PIBF1: variants seen among roughly 807,000 people sequenced by gnomAD.
PIBF1 encodes the protein progesterone immunomodulatory binding factor 1.
A neutral mutation model predicts 112.5 loss-of-function variants in PIBF1; 90 were observed. The ratio of observed to expected loss-of-function variants is 0.80; its 90% CI spans 0.67 to 0.95. PIBF1 has a LOEUF of 0.95. Ranked by LOEUF, PIBF1 falls within the 40% of genes least tolerant of loss-of-function variation. PIBF1 has a pLI of 0.00. For synonymous variants in PIBF1, 301 were observed against 288.6 expected (o/e 1.04, Z -0.44); for missense variants, 915 against 852.3 (o/e 1.07, Z -0.92).
intron 14 of PIBF1, among the ~76,000 whole-genome samples, chr13:72,945,017 C>T (rs1171620009): frequency 1.3e-5 from 2 of 152,030 alleles, no homozygotes; most frequent in Non-Finnish European, 2.9e-5. Context: ...AGCATCATAC[C>T]CAATAGTTTT....
At chr13:72,940,681 A>T (rs916621088) in intron 14 of PIBF1, among the ~76,000 whole-genome samples, 1 of 152,178 alleles carries the variant, frequency 6.6e-6, no homozygotes, top group Non-Finnish European at 1.5e-5. Context: ...ATTCTTCCAA[A>T]TCTTGCTTTT....
chr13:73,010,248 T>TC (rs35596184), intron 17 of PIBF1, among the ~76,000 whole-genome samples: 6 of 135,260 alleles, frequency 4.4e-5, no homozygotes, highest in African/African-American at 1.1e-4. Context: ...TTTTTTTTTT[T>TC]CTAAATTCTG....
intron 14 of PIBF1, among the ~76,000 whole-genome samples, chr13:72,958,866 A>G (rs950856144): frequency 2.6e-5 from 4 of 152,162 alleles, no homozygotes; most frequent in Non-Finnish European, 4.4e-5. Context: ...CAAGTCCAAG[A>G]TCACTAGGAC....
At chr13:72,857,505 C>T (rs990428249) in intron 10 of PIBF1, among the ~76,000 whole-genome samples, 2 of 152,204 alleles carry the variant, frequency 1.3e-5, no homozygotes, top group Non-Finnish European at 2.9e-5. Context: ...ATTTTCCCTT[C>T]TCCAAATCAA....
chr13:72,862,463 T>A (rs901774776), intron 10 of PIBF1, among the ~76,000 whole-genome samples: 11 of 152,112 alleles, frequency 7.2e-5, no homozygotes, highest in African/African-American at 2.4e-4. Flanking sequence ...ATTAATTTGG[T>A]TGAGCTCAAG....
At chr13:72,836,593 T>C (rs2037372159) in intron 9 of PIBF1, among the ~76,000 whole-genome samples, 1 of 152,186 alleles carries the variant, frequency 6.6e-6, no homozygotes, top group Admixed American at 6.5e-5. Context: ...ATTTTTAAAT[T>C]ACTGTTAAAT....
intron 17 of PIBF1, among the ~76,000 whole-genome samples, chr13:72,999,921 T>G (rs2043801480): frequency 6.6e-6 from 1 of 152,070 alleles, no homozygotes; most frequent in Non-Finnish European, 1.5e-5. Context: ...ATACAAAAAT[T>G]ACCCGGGTGT....
Position 73,015,868 on chromosome 13 carries a change from G to T in PIBF1, c.2224-1G>T. On this transcript the variant is annotated splice_acceptor_variant, in intron 17 of 17. Coordinates refer to ENST00000326291, the MANE Select transcript of PIBF1 (RefSeq NM_006346.4). LOFTEE classifies it high-confidence loss of function. Reference sequence around the variant, plus strand: ...GATTTTCTTTTTCTTTTTTTAAACAGACTAAAAAAGAAGCACCTGAGTGGT... The same window carrying T: ...GATTTTCTTTTTCTTTTTTTAAACATACTAAAAAAGAAGCACCTGAGTGGT... 1.3e-6 allele frequency: 2 copies of T among 1,560,530 alleles called. No individual in the cohort carries two copies. Among genetic ancestry groups the T allele is most frequent in the South Asian group, 1.2e-5 (1 of 84,240 alleles).
intron 16 of PIBF1, among the ~76,000 whole-genome samples, chr13:72,983,622 T>C (rs918653188): frequency 1.3e-5 from 2 of 152,210 alleles, no homozygotes; most frequent in East Asian, 1.9e-4. Flanking sequence ...TATGTTTGTG[T>C]TCCCAGATTC....
intron 17 of PIBF1, among the ~76,000 whole-genome samples, chr13:73,012,076 G>A (rs111374821): frequency 0.023 from 3,541 of 152,270 alleles, 44 homozygotes; most frequent in Middle Eastern, 0.034. Context: ...TGCTGGCCGG[G>A]TGCAGTGGCT....
intron 10 of PIBF1, among the ~76,000 whole-genome samples, chr13:72,873,253 C>T (rs1302785443): frequency 1.3e-5 from 2 of 152,090 alleles, no homozygotes; most frequent in African/African-American, 4.8e-5. Flanking sequence ...ACCTCCACCC[C>T]TACTTCATAC....
chr13:72,869,031 G>C (rs919127796), intron 10 of PIBF1, among the ~76,000 whole-genome samples: 1 of 152,022 alleles, frequency 6.6e-6, no homozygotes, highest in African/African-American at 2.4e-5. Flanking sequence ...CTGTAAACTA[G>C]TTCAACCATT....
rs529411537 is a variant in PIBF1, at chr13:72,869,628, A to T, written c.1322+15473A>T. Among the ~76,000 whole-genome samples the T allele has an allele frequency of 3.3e-3, 495 of 151,818 alleles. 1 individual carries two copies. Among genetic ancestry groups the T allele is most frequent in the African/African-American group, 0.01 (418 of 41,494 alleles). On this transcript the variant is annotated intron_variant, in intron 10 of 17. Coordinates refer to ENST00000326291, the MANE Select transcript of PIBF1 (RefSeq NM_006346.4). Reference sequence around the variant, plus strand: ...ACTTAAAGTATAATAATAATAATAAAAAATAAATAATAAAAAAATAAAAAA... The same window carrying T: ...ACTTAAAGTATAATAATAATAATAATAAATAAATAATAAAAAAATAAAAAA...
chr13:72,942,580 T>C (rs958670339), intron 14 of PIBF1, among the ~76,000 whole-genome samples: 5 of 152,188 alleles, frequency 3.3e-5, no homozygotes, highest in African/African-American at 9.6e-5. Flanking sequence ...AGACCAATTT[T>C]TTCATGCATG....
At chr13:72,911,824 A>G (rs2040903654) in intron 12 of PIBF1, among the ~76,000 whole-genome samples, 1 of 152,138 alleles carries the variant, frequency 6.6e-6, no homozygotes, top group South Asian at 2.1e-4. Flanking sequence ...GCTGAAAAAC[A>G]TCCTTCTAGA....
chr13:72,973,466 A>T, intron 15 of PIBF1, 125 bp from the exon 16 acceptor site: 31 of 526,752 alleles, frequency 5.9e-5, no homozygotes, highest in South Asian at 2.7e-4. Context: ...TGGAATATTT[A>T]TGGACTATAA....
chr13:72,893,646 TA>T, intron 10 of PIBF1, 137 bp from the exon 11 acceptor site: 1 of 455,182 alleles, frequency 2.2e-6, no homozygotes, highest in Non-Finnish European at 3.8e-6. Context: ...AAATTATTTA[TA>T]AAAGCTTTGC....
chr13:72,868,377 C>T (rs2138411853), intron 10 of PIBF1, among the ~76,000 whole-genome samples: 1 of 151,884 alleles, frequency 6.6e-6, no homozygotes, highest in African/African-American at 2.4e-5. Context: ...TCATCCTAGT[C>T]TGATAGGCTA....
chr13:72,824,114 A>C (rs993610574), intron 6 of PIBF1, among the ~76,000 whole-genome samples: 1 of 152,044 alleles, frequency 6.6e-6, no homozygotes, highest in Non-Finnish European at 1.5e-5. Flanking sequence ...CCCAGGTTCA[A>C]ACAATTCTCC....
Sources: gnomAD v4.1 joint callset for allele counts (sites outside exome capture counted in the v4.1 genomes callset) on GRCh38, gnomAD v4.1.1 for gene constraint, MANE v1.5 for transcripts, NCBI Gene and HGNC (gene_info 2026-07-23, HGNC 2026-07-21) for gene names.